Variants in FAM13A observed in about 807,000 individuals in gnomAD.
FAM13A encodes the protein protein FAM13A.
Under a neutral mutation model 129.6 loss-of-function variants are expected in FAM13A, and 76 were observed. The observed-to-expected ratio is 0.59, with a 90% CI of 0.49 to 0.71. The LOEUF (loss-of-function observed/expected upper bound fraction) is 0.71, where lower values mean the gene tolerates loss of function less well. FAM13A is among the 30% of genes least tolerant of loss of function. The pLI, the probability that FAM13A is intolerant of heterozygous loss-of-function variation, is 0.00. For missense variants in FAM13A, 1,108 were observed against 1,249.3 expected (o/e 0.89, Z 1.70); for synonymous variants, 443 against 449.9 (o/e 0.98, Z 0.20).
intron 13 of FAM13A, among the ~76,000 whole-genome samples, chr4:88,763,277 GTTCA>G (rs3067663): frequency 0.71 from 107,524 of 150,738 alleles, 39,467 homozygotes; most frequent in Non-Finnish European, 0.82. Flanking sequence ...TTTCCCATTC[GTTCA>G]TTCATTCATT....
At chr4:88,992,438 T>A (rs774371051) in intron 3 of FAM13A, among the ~76,000 whole-genome samples, 23 of 152,092 alleles carry the variant, frequency 1.5e-4, no homozygotes, top group Non-Finnish European at 3.2e-4. Context: ...GCCCGGCTAA[T>A]TTTTGTATTT....
intron 6 of FAM13A, among the ~76,000 whole-genome samples, chr4:88,877,741 T>C (rs17815990): frequency 0.26 from 38,829 of 152,092 alleles, 5,783 homozygotes; most frequent in Middle Eastern, 0.37. Context: ...TAGCTCCCCA[T>C]TGTTTTCTAA....
intron 6 of FAM13A, among the ~76,000 whole-genome samples, chr4:88,880,601 G>T (rs375842666): frequency 1.3e-5 from 2 of 152,120 alleles, no homozygotes; most frequent in Non-Finnish European, 2.9e-5. Flanking sequence ...TCTGAGGAAG[G>T]GGGCATTGGA....
intron 5 of FAM13A, among the ~76,000 whole-genome samples, chr4:88,929,144 G>A (rs1316215439): frequency 6.6e-6 from 1 of 151,464 alleles, no homozygotes; most frequent in Non-Finnish European, 1.5e-5. Flanking sequence ...CATCTATGAA[G>A]TATATTCTGG....
chr4:89,043,604 A>C (rs1283879516), intron 1 of FAM13A, among the ~76,000 whole-genome samples: 4 of 152,160 alleles, frequency 2.6e-5, no homozygotes. Context: ...TTTAAGTATA[A>C]AAAAGCATCA....
intron 6 of FAM13A, among the ~76,000 whole-genome samples, chr4:88,873,605 G>A (rs572079456): frequency 3.9e-5 from 6 of 152,152 alleles, no homozygotes; most frequent in East Asian, 3.9e-4. Context: ...AAGTTGAATC[G>A]CTGAATAGAC....
intron 11 of FAM13A, among the ~76,000 whole-genome samples, chr4:88,779,519 G>A (rs1035009656): frequency 1.3e-5 from 2 of 152,118 alleles, no homozygotes; most frequent in African/African-American, 4.8e-5. Flanking sequence ...CTTTACAGAT[G>A]AGGAAGTTTT....
intron 23 of FAM13A, among the ~76,000 whole-genome samples, chr4:88,730,416 G>A (rs937663302): frequency 2.8e-4 from 42 of 152,200 alleles, no homozygotes; most frequent in African/African-American, 8.7e-4. Context: ...TTTTTGAGAC[G>A]AAGTCTTGCT....
chr4:88,882,407 G>A (rs1011510756), intron 6 of FAM13A, among the ~76,000 whole-genome samples: 9 of 151,944 alleles, frequency 5.9e-5, no homozygotes, highest in Non-Finnish European at 1.2e-4. Context: ...GGAAAGTTAC[G>A]GACTTTTTCA....
chr4:88,901,995 T>C (rs1747373317), intron 6 of FAM13A, among the ~76,000 whole-genome samples: 1 of 152,038 alleles, frequency 6.6e-6, no homozygotes, highest in African/African-American at 2.4e-5. Context: ...GCACATAAAC[T>C]AGAAAATCTA....
intron 8 of FAM13A, among the ~76,000 whole-genome samples, chr4:88,799,825 G>T (rs1727063694): frequency 6.6e-6 from 1 of 152,188 alleles, no homozygotes. Context: ...AGAAATGAAA[G>T]CAAGGACTTG....
At chr4:89,040,942 T>C (rs1010140900) in intron 1 of FAM13A, among the ~76,000 whole-genome samples, 2 of 152,144 alleles carry the variant, frequency 1.3e-5, no homozygotes, top group African/African-American at 4.8e-5. Flanking sequence ...TCCACCTCTC[T>C]CCCATTCTGG....
chr4:88,803,010 T>G (rs781664755), intron 8 of FAM13A, among the ~76,000 whole-genome samples: 3 of 152,198 alleles, frequency 2.0e-5, no homozygotes, highest in African/African-American at 7.2e-5. Context: ...CACCTCTTTA[T>G]GCTGGACCTT....
In FAM13A at chr4:88,726,838, G is replaced by A. The variant is rs1357302208; in HGVS notation, c.*1695C>T. ...CTGTAGGATTATGTACCGTCTTTGT[G>A]TATGGATTAAAACCAGGGCACTTCC... On this transcript the variant is annotated 3_prime_UTR_variant, in exon 24 of 24. Coordinates refer to ENST00000264344, the MANE Select transcript of FAM13A (RefSeq NM_014883.4). 2 of 152,606 alleles carry A rather than the reference G, an allele frequency of 1.3e-5. No homozygotes were observed. Among genetic ancestry groups the A allele is most frequent in the South Asian group, 2.1e-4 (1 of 4,838 alleles). 9.5% of individuals were successfully genotyped at this position (152,606 alleles called of 1,614,324 possible).
At chr4:89,002,094 A>G (rs1764326132) in intron 3 of FAM13A, among the ~76,000 whole-genome samples, 1 of 150,162 alleles carries the variant, frequency 6.7e-6, no homozygotes, top group Admixed American at 6.7e-5. Context: ...AGACAGACCG[A>G]TTATATGTGT....
chr4:89,000,797 G>T (rs1048199628), intron 3 of FAM13A, among the ~76,000 whole-genome samples: 1 of 152,240 alleles, frequency 6.6e-6, no homozygotes. Context: ...AAAGATGACA[G>T]ATCATTTCAG....
At chr4:88,949,814 T>C (rs1756635471) in intron 4 of FAM13A, among the ~76,000 whole-genome samples, 2 of 152,142 alleles carry the variant, frequency 1.3e-5, no homozygotes, top group Admixed American at 6.5e-5. Context: ...CAGCTTCCAC[T>C]TTCCCCTCAC....
At chr4:88,829,949 C>T (rs1054288674) in intron 7 of FAM13A, among the ~76,000 whole-genome samples, 1 of 152,152 alleles carries the variant, frequency 6.6e-6, no homozygotes, top group Non-Finnish European at 1.5e-5. Flanking sequence ...TACTGATATA[C>T]ATATTATTAG....
intron 13 of FAM13A, among the ~76,000 whole-genome samples, chr4:88,760,688 TGG>T (rs1578531042): frequency 6.6e-6 from 1 of 151,352 alleles, no homozygotes; most frequent in African/African-American, 2.4e-5. Flanking sequence ...GTTTGTTTAC[TGG>T]GGAAAAAGCC....
Sources: gnomAD v4.1 joint callset for allele counts (sites outside exome capture counted in the v4.1 genomes callset) on GRCh38, gnomAD v4.1.1 for gene constraint, MANE v1.5 for transcripts, NCBI Gene and HGNC (gene_info 2026-07-23, HGNC 2026-07-21) for gene names.